FHIT: variants seen among roughly 807,000 people sequenced by gnomAD.
FHIT encodes the protein fragile histidine triad diadenosine triphosphatase, also known as bis(5'-adenosyl)-triphosphatase.
A neutral mutation model predicts 17.9 loss-of-function variants in FHIT; 19 were observed. That is an observed-to-expected ratio of 1.06 (90% CI 0.74 to 1.56). The LOEUF (loss-of-function observed/expected upper bound fraction) is 1.56, where lower values mean the gene tolerates loss of function less well. Among genes scored for constraint, FHIT ranks in the 40% most tolerant of loss-of-function variants. FHIT has a pLI of 0.00. For missense variants in FHIT, 248 were observed against 189.2 expected (o/e 1.31, Z -1.82); for synonymous variants, 81 against 69.7 (o/e 1.16, Z -0.81).
At chr3:60,834,339 C>T (rs1168018548) in intron 3 of FHIT, among the ~76,000 whole-genome samples, 1 of 152,144 alleles carries the variant, frequency 6.6e-6, no homozygotes, top group African/African-American at 2.4e-5. Context: ...TTTTGATTTG[C>T]ATTTCCCTGA....
At chr3:60,628,061 A>AT (rs769751871) in intron 4 of FHIT, among the ~76,000 whole-genome samples, 1 of 152,234 alleles carries the variant, frequency 6.6e-6, no homozygotes, top group South Asian at 2.1e-4. Flanking sequence ...CTGATTTGAG[A>AT]TTTTTTAAAA....
chr3:60,167,682 C>T (rs1221492866), intron 5 of FHIT, among the ~76,000 whole-genome samples: 1 of 152,186 alleles, frequency 6.6e-6, no homozygotes, highest in Non-Finnish European at 1.5e-5. Flanking sequence ...GTTGCCTATC[C>T]TGCCATGAAA....
chr3:60,992,561 T>C (rs138678180), intron 3 of FHIT, among the ~76,000 whole-genome samples: 37 of 152,204 alleles, frequency 2.4e-4, no homozygotes, highest in East Asian at 7.7e-4. Context: ...CTGCACATAA[T>C]GTCAGCCACA....
rs2106910052 is a variant in FHIT, at chr3:59,872,379, T to C, written c.348+49967A>G. On this transcript the variant is annotated intron_variant, in intron 8 of 9. Coordinates refer to ENST00000492590, the MANE Select transcript of FHIT (RefSeq NM_002012.4). ...AGGCTGATGTGGGGACTGGCTTTTC[T>C]TCTTGGTGACTCAAAGACAAAGCCA... Among the ~76,000 whole-genome samples the C allele has an allele frequency of 1.3e-5, 2 of 152,314 alleles. 1 individual carries two copies. Among genetic ancestry groups the C allele is most frequent in the South Asian group, 4.1e-4 (2 of 4,828 alleles).
intron 5 of FHIT, among the ~76,000 whole-genome samples, chr3:60,206,667 G>C (rs213315): frequency 0.43 from 65,089 of 151,938 alleles, 14,138 homozygotes; most frequent in Admixed American, 0.49. Flanking sequence ...GAATGCAAAA[G>C]AGGTGGACGG....
intron 3 of FHIT, among the ~76,000 whole-genome samples, chr3:60,939,044 T>C (rs9832941): frequency 0.88 from 134,017 of 152,228 alleles, 61,497 homozygotes; most frequent in East Asian, 1. Context: ...TATAAAATTA[T>C]CATTTTGCAG....
chr3:60,345,322 G>C (rs1408161750), intron 5 of FHIT, among the ~76,000 whole-genome samples: 1 of 152,174 alleles, frequency 6.6e-6, no homozygotes, highest in Non-Finnish European at 1.5e-5. Context: ...ATTAGAGACA[G>C]CATGAGAACT....
intron 7 of FHIT, among the ~76,000 whole-genome samples, chr3:60,009,482 CA>C (rs1700059949): frequency 6.6e-6 from 1 of 152,040 alleles, no homozygotes; most frequent in Admixed American, 6.6e-5. Context: ...CCATCATCAT[CA>C]CCATCAAAGG....
chr3:60,079,811 A>G (rs1703197811), intron 5 of FHIT, among the ~76,000 whole-genome samples: 1 of 152,046 alleles, frequency 6.6e-6, no homozygotes, highest in South Asian at 2.1e-4. Flanking sequence ...ATTCTAAGTA[A>G]AAAGCAGAAA....
chr3:60,656,277 G>T lies in FHIT; in HGVS notation c.-17-119298C>A, dbSNP rs149544798. On this transcript the variant is annotated intron_variant, in intron 4 of 9. Coordinates refer to ENST00000492590, the MANE Select transcript of FHIT (RefSeq NM_002012.4). Reference sequence around the variant, plus strand: ...TCCTATCCCAGAACTAGATTTATGGGAAAGCAACAGTGTTTTCATTTTTTA... The same window carrying T: ...TCCTATCCCAGAACTAGATTTATGGTAAAGCAACAGTGTTTTCATTTTTTA... Among the ~76,000 whole-genome samples the T allele has an allele frequency of 2.8e-3, 431 of 152,238 alleles. 3 individuals are homozygous for T. The highest frequency in any genetic ancestry group is 3.1e-3 in the Non-Finnish European group (208 of 68,020).
chr3:60,083,052 G>A (rs1038732659), intron 5 of FHIT, among the ~76,000 whole-genome samples: 3 of 152,094 alleles, frequency 2.0e-5, no homozygotes, highest in Non-Finnish European at 4.4e-5. Flanking sequence ...CTGATGTCCA[G>A]AAAGACATTT....
At chr3:60,562,301 TA>T (rs1356657116) in intron 4 of FHIT, among the ~76,000 whole-genome samples, 1 of 152,178 alleles carries the variant, frequency 6.6e-6, no homozygotes, top group Non-Finnish European at 1.5e-5. Context: ...GGGAAAAGAC[TA>T]AATGAGTTAG....
rs546292986 is a variant in FHIT, at chr3:60,287,071, A to G, written c.103+249789T>C. On this transcript the variant is annotated intron_variant, in intron 5 of 9. Coordinates refer to ENST00000492590, the MANE Select transcript of FHIT (RefSeq NM_002012.4). ...GATGCCGAAAAAACCATGTCATGTT[A>G]ACAAATTCCTTAAATGTTGAACTCA... Among the ~76,000 whole-genome samples the G allele has an allele frequency of 2.0e-5, 3 of 152,326 alleles. No individual in the cohort carries two copies. In the South Asian group the frequency reaches 6.2e-4, roughly 32 times the overall value.
At chr3:61,231,948 T>C (rs77561510) in intron 1 of FHIT, among the ~76,000 whole-genome samples, 11,421 of 152,234 alleles carry the variant, frequency 0.075, 1,115 homozygotes, top group East Asian at 0.4. Flanking sequence ...TGAAAATATG[T>C]GCTTGGGTTG....
chr3:60,322,438 T>A (rs910179797), intron 5 of FHIT, among the ~76,000 whole-genome samples: 8 of 152,168 alleles, frequency 5.3e-5, no homozygotes, highest in Non-Finnish European at 1.2e-4. Flanking sequence ...ATTATCAACT[T>A]TTTGACCTTG....
intron 8 of FHIT, among the ~76,000 whole-genome samples, chr3:59,761,429 A>G (rs752871672): frequency 1.3e-5 from 2 of 152,112 alleles, no homozygotes; most frequent in Non-Finnish European, 2.9e-5. Flanking sequence ...AACCCTATGT[A>G]TGCTCTCTGT....
intron 2 of FHIT, among the ~76,000 whole-genome samples, chr3:61,187,840 A>C (rs2038570479): frequency 6.6e-6 from 1 of 152,258 alleles, no homozygotes; most frequent in Non-Finnish European, 1.5e-5. Flanking sequence ...TACTGAGTAC[A>C]TCACGAAATG....
intron 5 of FHIT, among the ~76,000 whole-genome samples, chr3:60,402,154 A>T (rs1404194704): frequency 6.6e-6 from 1 of 152,202 alleles, no homozygotes; most frequent in Non-Finnish European, 1.5e-5. Context: ...TTAAAGAGAA[A>T]AAAAGAAAAT....
chr3:59,836,168 G>A (rs1701332733), intron 8 of FHIT, among the ~76,000 whole-genome samples: 1 of 121,714 alleles, frequency 8.2e-6, no homozygotes, highest in South Asian at 2.8e-4. Flanking sequence ...TAAATGGGAA[G>A]GAAAAAGTTT....
Sources: allele counts gnomAD v4.1 joint callset (sites outside exome capture counted in the v4.1 genomes callset), GRCh38; gene constraint gnomAD v4.1.1; transcripts MANE v1.5; gene names NCBI Gene and HGNC (gene_info 2026-07-23, HGNC 2026-07-21).